WDR41: variants seen among roughly 807,000 people sequenced by gnomAD.
The protein encoded by WDR41 is WD repeat domain 41.
WDR41 carries 63 observed loss-of-function variants against 69.3 expected under a neutral mutation model. The ratio of observed to expected loss-of-function variants is 0.91; its 90% CI spans 0.74 to 1.12. The LOEUF (loss-of-function observed/expected upper bound fraction) is 1.12, where lower values mean the gene tolerates loss of function less well. Among genes scored for constraint, WDR41 ranks in the 50% most tolerant of loss-of-function variants. The pLI is 0.00. For missense variants in WDR41, 543 were observed against 534.5 expected, an observed-to-expected ratio of 1.02 and a Z score of -0.16; for synonymous variants, 185 against 192.1, an observed-to-expected ratio of 0.96 and a Z score of 0.31.
At chr5:77,479,607 ACTGGCTAG>A (rs1300176898) in intron 2 of WDR41, among the ~76,000 whole-genome samples, 1 of 152,206 alleles carries the variant, frequency 6.6e-6, no homozygotes, top group Admixed American at 6.5e-5. Flanking sequence ...TGCTGGGAAA[ACTGGCTAG>A]CCATATGGAG....
rs192578140 is a variant in WDR41 at position 77,603,852 on chromosome 5, T to G, written c.42+16627A>C. 3.3e-5 allele frequency among the ~76,000 whole-genome samples: 5 copies of G among 152,324 alleles called. No individual in the cohort carries two copies. The East Asian group carries it at 9.6e-4, about 29-fold the overall frequency. On this transcript the variant is annotated intron_variant, in intron 1 of 5. Coordinates refer to the WDR41 transcript ENST00000509971. ...GGGTGTCCTTTCCCCAGTGCATGTT[T>G]CTGGCACCCTTGTCAAAAATTAGTT...
At chr5:77,585,636 C>T (rs112390108) in intron 1 of WDR41, among the ~76,000 whole-genome samples, 1,678 of 152,222 alleles carry the variant, frequency 0.011, 23 homozygotes, top group African/African-American at 0.021. Flanking sequence ...TGGAATACCA[C>T]GCAGCCATAA....
chr5:77,597,016 G>A (rs773178675), intron 1 of WDR41, among the ~76,000 whole-genome samples: 1 of 152,046 alleles, frequency 6.6e-6, no homozygotes, highest in Admixed American at 6.6e-5. Flanking sequence ...CAGCTACTTG[G>A]GAGGCTAAAG....
intron 1 of WDR41, among the ~76,000 whole-genome samples, chr5:77,607,923 T>G (rs1744456761): frequency 6.6e-6 from 1 of 152,228 alleles, no homozygotes; most frequent in Non-Finnish European, 1.5e-5. Context: ...TTTGCCCACA[T>G]GAAACTTTAT....
chr5:77,450,974 C>G (rs1452546840), intron 7 of WDR41, among the ~76,000 whole-genome samples: 1 of 152,128 alleles, frequency 6.6e-6, no homozygotes, highest in Non-Finnish European at 1.5e-5. Context: ...AAAGAGAACT[C>G]TTTCTGATAC....
intron 4 of WDR41, among the ~76,000 whole-genome samples, chr5:77,459,623 C>G (rs1799959851): frequency 6.6e-6 from 1 of 152,052 alleles, no homozygotes; most frequent in Non-Finnish European, 1.5e-5. Flanking sequence ...AATCAGAGGG[C>G]CTCTCATAAA....
intron 1 of WDR41, among the ~76,000 whole-genome samples, chr5:77,593,713 C>T (rs986518831): frequency 2.6e-5 from 4 of 152,028 alleles, no homozygotes; most frequent in Non-Finnish European, 2.9e-5. Context: ...ACCTAACCCA[C>T]CAGGAACAGA....
Position 77,449,814 on chromosome 5 carries a change from C to T in WDR41, c.643G>A (p.Val215Ile). 1 of 1,613,852 alleles carries T rather than the reference C, an allele frequency of 6.2e-7. No individual in the cohort carries two copies. The highest frequency in any genetic ancestry group is 8.5e-7 in the Non-Finnish European group (1 of 1,179,826). The change falls in exon 8 of 13, where the codon GTT becomes ATT. Residue 215 changes from valine to isoleucine, a missense_variant. By Grantham distance (29) the Val-to-Ile change is conservative. Coordinates refer to ENST00000296679, the MANE Select transcript of WDR41 (RefSeq NM_018268.4). The stretch of plus-strand genomic sequence containing the variant: ...TCCTGGTGATCAAGGAGGCGCTTAA[C>T]TTCAAGAATATCCCATTCTAGTGAT... ...EGSLEWDILE[V>I]KRLLDHQDNI...
In WDR41 at chr5:77,464,767, A is replaced by T. The variant is rs200217585; in HGVS notation, c.210T>A (p.Asn70Lys). ...ACACATAATCAATACACACCTGGGC[A>T]TTCCACACAACTACAATTCCATCAT... ...AGDDGIVVVW[N>K]AQTGEKLLEL... is the part of the protein sequence containing the mutation. The change falls in exon 3 of 13, where the codon AAT becomes AAA. Residue 70 changes from asparagine to lysine, a missense_variant. Coordinates refer to ENST00000296679, the MANE Select transcript of WDR41 (RefSeq NM_018268.4). 53 of 1,613,928 alleles carry T rather than the reference A, an allele frequency of 3.3e-5. No homozygotes were observed. The East Asian group carries it at 1.2e-3, about 36-fold the overall frequency.
chr5:77,492,165 T>C lies in WDR41; in HGVS notation c.51+5A>G, dbSNP rs748764902. ...GGACGCAGAGCAGACCCACCCGGGGTTTACCTCGGCCAGTCCCTGCGGTTC... is the reference window on the plus strand; with the variant it reads ...GGACGCAGAGCAGACCCACCCGGGGCTTACCTCGGCCAGTCCCTGCGGTTC... On this transcript the variant is annotated splice_donor_5th_base_variant and intron_variant, in intron 1 of 12. Transcript: ENST00000296679. The C allele has an allele frequency of 6.8e-6, 11 of 1,611,328 alleles. No individual in the cohort carries two copies. The African/African-American group carries it at 1.3e-4, about 20-fold the overall frequency.
chr5:77,535,439 C>T (rs1353597520), intron 1 of WDR41, among the ~76,000 whole-genome samples: 1 of 152,138 alleles, frequency 6.6e-6, no homozygotes, highest in African/African-American at 2.4e-5. Context: ...CCATGATGTT[C>T]ACTTTGATGT....
intron 6 of WDR41, 75 bp downstream of exon 6, chr5:77,453,742 G>A: frequency 8.2e-7 from 1 of 1,222,996 alleles, no homozygotes; most frequent in Non-Finnish European, 1.2e-6. Context: ...TTCTACTTAT[G>A]GAAAGTCTCT....
Position 77,433,212 on chromosome 5 carries a change from CTCCATTTTTCCACAAAA to C in WDR41, c.1286_1302del (p.Ile429ArgfsTer20). 1 of 1,614,070 alleles carries C rather than the reference CTCCATTTTTCCACAAAA, an allele frequency of 6.2e-7. No individual in the cohort carries two copies. The highest frequency in any genetic ancestry group is 8.5e-7 in the Non-Finnish European group (1 of 1,179,976). Reference sequence around the variant, plus strand: ...AAACTGCGCAATCCAGATTCTCGCTCTCCATTTTTCCACAAAATAATGAGATGATCAGCGGAGCACGT... The same window carrying C: ...AAACTGCGCAATCCAGATTCTCGCTCTAATGAGATGATCAGCGGAGCACGT... On this transcript the variant is annotated frameshift_variant, in exon 13 of 13. Transcript: ENST00000296679. LOFTEE classifies it high-confidence loss of function.
At chr5:77,478,592 A>G (rs1234244567) in intron 2 of WDR41, among the ~76,000 whole-genome samples, 1 of 152,196 alleles carries the variant, frequency 6.6e-6, no homozygotes, top group Non-Finnish European at 1.5e-5. Context: ...TTATCTCAAC[A>G]GATGCAGAAA....
chr5:77,584,704 C>G (rs1744006900), intron 1 of WDR41, among the ~76,000 whole-genome samples: 1 of 152,030 alleles, frequency 6.6e-6, no homozygotes, highest in African/African-American at 2.4e-5. Context: ...AAAAAGCAAA[C>G]AAAACCATAA....
In WDR41 at chr5:77,582,351, A is replaced by C; in HGVS notation, c.42+38128T>G. ...ACAAGTGCAGAGTACGCATGCGCCA[A>C]CTTCCTCTTTTTCCGGCTGGAACCA... On this transcript the variant is annotated intron_variant, in intron 1 of 5. Coordinates refer to the WDR41 transcript ENST00000509971. 3.8e-6 allele frequency: 6 copies of C among 1,598,410 alleles called. No homozygotes were observed. In the Admixed American group the frequency reaches 1.0e-4, roughly 27 times the overall value.
intron 1 of WDR41, among the ~76,000 whole-genome samples, chr5:77,617,369 TTC>T (rs1159411937): frequency 2.0e-5 from 3 of 151,966 alleles, no homozygotes; most frequent in Non-Finnish European, 4.4e-5. Context: ...TAAAATAATT[TTC>T]TGTCTCTCTC....
intron 1 of WDR41, among the ~76,000 whole-genome samples, chr5:77,601,754 C>T (rs551565975): frequency 3.8e-4 from 58 of 152,294 alleles, no homozygotes; most frequent in Admixed American, 1.0e-3. Context: ...TAAAGTGAAA[C>T]GTAATTCCTC....
intron 6 of WDR41, chr5:77,451,999 A>G (rs1461298662): frequency 4.2e-5 from 6 of 142,098 alleles, no homozygotes; most frequent in Non-Finnish European, 7.5e-5. Flanking sequence ...TTGATAAATT[A>G]GAACCACCAC....
Sources: allele counts gnomAD v4.1 joint callset (sites outside exome capture counted in the v4.1 genomes callset), GRCh38; gene constraint gnomAD v4.1.1; transcripts MANE v1.5; gene names NCBI Gene and HGNC (gene_info 2026-07-23, HGNC 2026-07-21).